Variants in TDRP observed in about 807,000 individuals in gnomAD.
TDRP encodes the protein testis development related protein.
TDRP carries 12 observed loss-of-function variants against 10.5 expected under a neutral mutation model. The observed-to-expected ratio is 1.15, with a 90% CI of 0.73 to 1.86. The LOEUF is 1.86. TDRP is among the 40% of genes most tolerant of loss of function. The probability of loss-of-function intolerance (pLI) is 0.00; values close to 1 mark genes in which losing one functional copy is unlikely to be tolerated. For missense variants in TDRP, 353 were observed against 229.2 expected (o/e 1.54, Z -3.49); for synonymous variants, 139 against 95.4 (o/e 1.46, Z -2.67).
At chr8:501,491 C>T (rs75341890) in intron 1 of TDRP, among the ~76,000 whole-genome samples, 5,253 of 151,830 alleles carry the variant, frequency 0.035, 294 homozygotes, top group African/African-American at 0.12. Context: ...GAATTACAGG[C>T]GATGGCCACC....
At chr8:500,152 C>G (rs1417070949) in intron 1 of TDRP, among the ~76,000 whole-genome samples, 2 of 152,170 alleles carry the variant, frequency 1.3e-5, no homozygotes, top group African/African-American at 4.8e-5. Context: ...AAAGTAAGTT[C>G]CTGCACAAAA....
intron 1 of TDRP, among the ~76,000 whole-genome samples, chr8:539,978 T>C (rs908330539): frequency 1.3e-5 from 2 of 152,218 alleles, no homozygotes; most frequent in East Asian, 1.9e-4. Context: ...TAAGTGAAAA[T>C]ATGTCAAAAA....
chr8:520,841 C>G (rs1485864868), intron 1 of TDRP, among the ~76,000 whole-genome samples: 1 of 151,882 alleles, frequency 6.6e-6, no homozygotes, highest in Non-Finnish European at 1.5e-5. Context: ...GGATATTCAC[C>G]CCTTATTAGA....
intron 1 of TDRP, among the ~76,000 whole-genome samples, chr8:528,984 A>C (rs1306455272): frequency 6.6e-6 from 1 of 152,164 alleles, no homozygotes; most frequent in South Asian, 2.1e-4. Flanking sequence ...TGGGAGTCTG[A>C]TGTTTGAGGG....
intron 1 of TDRP, among the ~76,000 whole-genome samples, chr8:502,247 G>C (rs369841765): frequency 6.6e-6 from 1 of 152,226 alleles, no homozygotes; most frequent in African/African-American, 2.4e-5. Flanking sequence ...TAAACACACT[G>C]AAGCTATTGA....
intron 1 of TDRP, among the ~76,000 whole-genome samples, chr8:537,162 G>A (rs1464744454): frequency 6.6e-6 from 1 of 152,182 alleles, no homozygotes; most frequent in African/African-American, 2.4e-5. Flanking sequence ...GGGCACTGCT[G>A]AGCCCCACGT....
At chr8:536,307 T>C (rs964867106) in intron 1 of TDRP, among the ~76,000 whole-genome samples, 6 of 152,218 alleles carry the variant, frequency 3.9e-5, no homozygotes, top group African/African-American at 1.4e-4. Context: ...GATCTGAGTC[T>C]GGGAGAAGAT....
At chr8:508,244 G>A (rs957724285) in intron 1 of TDRP, among the ~76,000 whole-genome samples, 1 of 152,134 alleles carries the variant, frequency 6.6e-6, no homozygotes, top group Admixed American at 6.5e-5. Flanking sequence ...TTCACTAGAG[G>A]GGTTTTACAG....
chr8:532,144 AAG>A (rs1262495791), intron 1 of TDRP, among the ~76,000 whole-genome samples: 1 of 152,208 alleles, frequency 6.6e-6, no homozygotes, highest in African/African-American at 2.4e-5. Context: ...CATAGGGTGA[AAG>A]AGAGTGCACC....
chr8:505,542 G>T (rs781371337), intron 1 of TDRP, among the ~76,000 whole-genome samples: 8 of 152,148 alleles, frequency 5.3e-5, no homozygotes, highest in Non-Finnish European at 1.2e-4. Flanking sequence ...ACCTCAGACG[G>T]GAACTTAACC....
At chr8:525,326 T>A (rs1802007988) in intron 1 of TDRP, among the ~76,000 whole-genome samples, 1 of 152,052 alleles carries the variant, frequency 6.6e-6, no homozygotes, top group South Asian at 2.1e-4. Flanking sequence ...ATTCTTCAAT[T>A]TGAAAGAAAA....
At chr8:498,494 G>T (rs1801195495) in intron 1 of TDRP, among the ~76,000 whole-genome samples, 1 of 152,172 alleles carries the variant, frequency 6.6e-6, no homozygotes, top group Non-Finnish European at 1.5e-5. Context: ...TGTCTTTAAA[G>T]TAACTAACTT....
chr8:530,292 C>A (rs951226918), intron 1 of TDRP, among the ~76,000 whole-genome samples: 56 of 152,252 alleles, frequency 3.7e-4, no homozygotes, highest in African/African-American at 1.3e-3. Context: ...GCATACTAAG[C>A]TTCTTTAAGA....
intron 1 of TDRP, among the ~76,000 whole-genome samples, chr8:512,748 G>A (rs1051921400): frequency 6.6e-6 from 1 of 152,154 alleles, no homozygotes; most frequent in Non-Finnish European, 1.5e-5. Flanking sequence ...GCAAAGGTGG[G>A]CAGATCACCT....
At chr8:533,012 G>A (rs577371167) in intron 1 of TDRP, among the ~76,000 whole-genome samples, 5 of 152,158 alleles carry the variant, frequency 3.3e-5, no homozygotes, top group Non-Finnish European at 7.4e-5. Flanking sequence ...AGTCTGGAGA[G>A]AGGAACTCAT....
chr8:492,092 A>G lies in TDRP; in HGVS notation c.*307T>C. 8.5e-7 allele frequency: 1 copy of G among 1,180,952 alleles called. No homozygotes were observed. Among genetic ancestry groups the G allele is most frequent in the Non-Finnish European group, 1.0e-6 (1 of 956,208 alleles). 73.2% of individuals were successfully genotyped at this position (1,180,952 alleles called of 1,614,324 possible). On this transcript the variant is annotated 3_prime_UTR_variant, in exon 3 of 3. Transcript: ENST00000324079. Reference sequence around the variant, plus strand: ...AGCAGCATGAAAATCATTTTGTGAGAAACTGCAAATCATTACTGCTGTATT... The same window carrying G: ...AGCAGCATGAAAATCATTTTGTGAGGAACTGCAAATCATTACTGCTGTATT...
Position 491,752 on chromosome 8 carries a change from C to A in TDRP, c.*647G>T. 12 of 1,394,778 alleles carry A rather than the reference C, an allele frequency of 8.6e-6. No homozygotes were observed. The highest frequency in any genetic ancestry group is 1.0e-5 in the Non-Finnish European group (11 of 1,083,858). 86.4% of individuals were successfully genotyped at this position (1,394,778 alleles called of 1,614,324 possible). ...TTCAAAAGAGGTAAAAATAAAATTCCAAAAAAGAACCACTGTTACTATCCA... is the reference window on the plus strand; with the variant it reads ...TTCAAAAGAGGTAAAAATAAAATTCAAAAAAAGAACCACTGTTACTATCCA... On this transcript the variant is annotated 3_prime_UTR_variant, in exon 3 of 3. Coordinates refer to ENST00000324079, the MANE Select transcript of TDRP (RefSeq NM_001384899.1).
intron 1 of TDRP, among the ~76,000 whole-genome samples, chr8:508,437 A>T (rs1162544573): frequency 6.6e-6 from 1 of 152,214 alleles, no homozygotes; most frequent in Non-Finnish European, 1.5e-5. Context: ...AAACTTACAA[A>T]AATGGTGGAA....
At chr8:495,363 C>A (rs570543072) in intron 1 of TDRP, among the ~76,000 whole-genome samples, 1 of 152,198 alleles carries the variant, frequency 6.6e-6, no homozygotes, top group East Asian at 1.9e-4. Flanking sequence ...TACCTTTAAG[C>A]GTCAGCATCT....
Sources: allele counts gnomAD v4.1 joint callset (sites outside exome capture counted in the v4.1 genomes callset), GRCh38; gene constraint gnomAD v4.1.1; transcripts MANE v1.5; gene names NCBI Gene and HGNC (gene_info 2026-07-23, HGNC 2026-07-21).